The following PLCB2 variants were observed in gnomAD, a reference collection of about 807,000 sequenced individuals.
The protein encoded by PLCB2 is phospholipase C beta 2.
Under a neutral mutation model 141.7 loss-of-function variants are expected in PLCB2, and 115 were observed. The observed-to-expected ratio is 0.81, with a 90% CI of 0.70 to 0.95. The LOEUF is 0.95. Among genes scored for constraint, PLCB2 ranks in the 40% least tolerant of loss-of-function variants. PLCB2 has a pLI of 0.00. For synonymous variants in PLCB2, 603 were observed against 595.6 expected, an observed-to-expected ratio of 1.01 and a Z score of -0.18; for missense variants, 1,403 against 1,541.1, an observed-to-expected ratio of 0.91 and a Z score of 1.50.
Position 40,290,631 on chromosome 15 carries a change from A to C in PLCB2, c.3155T>G (p.Leu1052Arg), listed in dbSNP as rs763762666. The part of the protein sequence containing the change: ...EMKKKLETKR[L>R]ERIQGMTKVT... The stretch of plus-strand genomic sequence containing the variant: ...TTTGGTCATGCCCTGGATCCGCTCC[A>C]GTCTCTTTGTCTCCAGCTTTTTCTT... Residue 1052 changes from leucine to arginine, a missense_variant, in exon 29 of 32, where the codon CTG becomes CGG. Leu to Arg is a moderately radical substitution (Grantham distance 102). Coordinates refer to ENST00000260402, the MANE Select transcript of PLCB2 (RefSeq NM_004573.3). The C allele has an allele frequency of 1.1e-5, 18 of 1,614,124 alleles. No homozygotes were observed. The highest frequency in any genetic ancestry group is 1.5e-5 in the Non-Finnish European group (18 of 1,180,018).
At chr15:40,290,136 G>C in intron 29 of PLCB2, 54 bp from the exon 30 acceptor site, 1 of 1,115,052 alleles carries the variant, frequency 9.0e-7, no homozygotes, top group Non-Finnish European at 1.4e-6. Context: ...GGGAGAGTAG[G>C]GTAACATGAA....
At position 40,296,347 on chromosome 15, in the gene PLCB2, G is replaced by A. The variant is rs766373645; in HGVS notation, c.1645C>T (p.Leu549=). 1 of 1,613,808 alleles carries A rather than the reference G, an allele frequency of 6.2e-7. No homozygotes were observed. Among genetic ancestry groups the A allele is most frequent in the South Asian group, 1.1e-5 (1 of 91,006 alleles). ...EVTAYEEMSS[L]VNYIQPTKFV... Reference sequence around the variant, plus strand: ...TTGGTGGGCTGGATGTAATTGACTAGGCTGGACATCTCCTCATAAGCCGTC... The same window carrying A: ...TTGGTGGGCTGGATGTAATTGACTAAGCTGGACATCTCCTCATAAGCCGTC... The change falls in exon 16 of 32, where the codon CTA becomes TTA. Residue 549 remains leucine, a synonymous_variant. Coordinates refer to ENST00000260402, the MANE Select transcript of PLCB2 (RefSeq NM_004573.3).
intron 7 of PLCB2, among the ~76,000 whole-genome samples, chr15:40,300,033 C>T (rs751744848): frequency 3.3e-4 from 50 of 152,220 alleles, no homozygotes; most frequent in Admixed American, 9.2e-4. Flanking sequence ...TCACAAGTGT[C>T]AGCGGGATGT....
Position 40,297,812 on chromosome 15 carries a change from G to T in PLCB2, c.1238+65C>A. ...TTAGAGGCTGGGGCAGTTGTGGGGA[G>T]GACAGTTGCAGACAGGAGACTGGGG... On this transcript the variant is annotated intron_variant, in intron 12 of 31. Transcript: ENST00000260402. The surrounding 1 kb of genome is among the most constrained non-coding windows in gnomAD (Gnocchi z 4.2). 7.7e-7 allele frequency: 1 copy of T among 1,293,150 alleles called. No individual in the cohort carries two copies. The highest frequency in any genetic ancestry group is 1.1e-6 in the Non-Finnish European group (1 of 891,900). The allele number at this position is 1,293,150 out of a possible 1,614,324, so 80.1% of individuals were successfully genotyped here. A position where few individuals can be genotyped will look rare whatever the true frequency, so the allele number is the denominator to read the frequency against.
At chr15:40,296,668 G>A (rs2040237485) in intron 14 of PLCB2, 34 bp from the exon 15 acceptor site, 1 of 1,611,624 alleles carries the variant, frequency 6.2e-7, no homozygotes, top group Non-Finnish European at 8.5e-7. Flanking sequence ...ACTGGCTCCT[G>A]CATGGCTCCT....
chr15:40,294,254 C>G lies in PLCB2; in HGVS notation c.2061+12G>C. On this transcript the variant is annotated intron_variant, in intron 19 of 31. Transcript: ENST00000260402. Reference sequence around the variant, plus strand: ...TCAGCCTCCCGGCCACTTGTGTGCCCCAGGGCCTTGCCGTAATGGAAAGGG... The same window carrying G: ...TCAGCCTCCCGGCCACTTGTGTGCCGCAGGGCCTTGCCGTAATGGAAAGGG... 6.2e-7 allele frequency: 1 copy of G among 1,613,158 alleles called. No homozygotes were observed. Among genetic ancestry groups the G allele is most frequent in the Non-Finnish European group, 8.5e-7 (1 of 1,179,960 alleles).
At chr15:40,296,255 CCTT>C (rs753502542) in intron 16 of PLCB2, 38 bp downstream of exon 16, 128 of 1,480,590 alleles carry the variant, frequency 8.6e-5, no homozygotes, top group Non-Finnish European at 1.2e-4. Flanking sequence ...GGGAGATCCC[CCTT>C]CTTCTTACCC....
At position 40,294,250 on chromosome 15, in the gene PLCB2, T is replaced by G; in HGVS notation, c.2061+16A>C. 1.2e-6 allele frequency: 2 copies of G among 1,609,614 alleles called. No individual in the cohort carries two copies. Among genetic ancestry groups the G allele is most frequent in the Non-Finnish European group, 1.7e-6 (2 of 1,177,980 alleles). On this transcript the variant is annotated intron_variant, in intron 19 of 31. Transcript: ENST00000260402. ...GACCTCAGCCTCCCGGCCACTTGTG[T>G]GCCCCAGGGCCTTGCCGTAATGGAA...
intron 13 of PLCB2, 86 bp from the exon 14 acceptor site, chr15:40,296,994 C>G (rs1312325411): frequency 7.5e-7 from 1 of 1,324,822 alleles, no homozygotes; most frequent in African/African-American, 1.5e-5. Flanking sequence ...CTCCCTCGGC[C>G]TCCCCCACTC....
rs375249031 is a variant in PLCB2, at chr15:40,288,850, C to T, written c.3423G>A (p.Ser1141=). ...AGCAGGTCCTGAGGCAGGCCCTCACCGACTCCTTCACCTCTGCCTCCAGAC... is the reference window on the plus strand; with the variant it reads ...AGCAGGTCCTGAGGCAGGCCCTCACTGACTCCTTCACCTCTGCCTCCAGAC... ...MKGLEAEVKE[S]VRACLRTCFP... The change falls in exon 32 of 32, where the codon TCG becomes TCA. Residue 1141 remains serine, a synonymous_variant. Transcript: ENST00000260402. 6.2e-6 allele frequency: 10 copies of T among 1,613,952 alleles called. No individual in the cohort carries two copies. The highest frequency in any genetic ancestry group is 2.7e-5 in the African/African-American group (2 of 74,928).
Position 40,291,034 on chromosome 15 carries a change from T to C in PLCB2, c.3020A>G (p.Glu1007Gly). The C allele has an allele frequency of 2.5e-6, 4 of 1,593,928 alleles. No individual in the cohort carries two copies. The highest frequency in any genetic ancestry group is 3.4e-6 in the Non-Finnish European group (4 of 1,177,790). The stretch of plus-strand genomic sequence containing the variant: ...CCCGGCCACCTCGGCCACGTGCTGC[T>C]CCTTGCGCTTCAGAACGCACTCGTA... ...EQYECVLKRK[E>G]QHVAEQISKM... The change falls in exon 27 of 32, where the codon GAG becomes GGG. Residue 1007 changes from glutamate to glycine, a missense_variant. Glu to Gly is a moderately conservative substitution (Grantham distance 98). Around this residue, in one of 4 missense-constraint regions of PLCB2, gnomAD observed 290 missense variants for 245.9 expected, o/e 1.18. Transcript: ENST00000260402.
rs201613773 is a variant in PLCB2, at chr15:40,294,940, C to T, written c.1902G>A (p.Thr634=). 190 of 1,614,056 alleles carry T rather than the reference C, an allele frequency of 1.2e-4. 1 individual carries two copies. The highest frequency in any genetic ancestry group is 6.8e-6 in the Non-Finnish European group (8 of 1,179,964). ...GGGGCCTGGGAATGCCCTCACCCAT[C>T]GTCTGGAAGTTGAGGGCAACCATCT... ...GCQMVALNFQ[T]MDLPMQQNMA... The change falls in exon 18 of 32, where the codon ACG becomes ACA. Residue 634 remains threonine, a synonymous_variant. Transcript: ENST00000260402.
chr15:40,289,418 TC>T, intron 30 of PLCB2, 60 bp from the exon 31 acceptor site: 1 of 1,261,292 alleles, frequency 7.9e-7, no homozygotes, highest in Non-Finnish European at 1.2e-6. Flanking sequence ...TGGGTCAGAA[TC>T]CAGCTGTAAT....
chr15:40,291,030 C>T lies in PLCB2; in HGVS notation c.3024G>A (p.Gln1008=), dbSNP rs1214905024. Residue 1008 remains glutamine, a synonymous_variant, in exon 27 of 32, where the codon CAG becomes CAA. Coordinates refer to ENST00000260402, the MANE Select transcript of PLCB2 (RefSeq NM_004573.3). ...CCCTCCCGGCCACCTCGGCCACGTGCTGCTCCTTGCGCTTCAGAACGCACT... is the reference window on the plus strand; with the variant it reads ...CCCTCCCGGCCACCTCGGCCACGTGTTGCTCCTTGCGCTTCAGAACGCACT... The part of the protein sequence containing the change: ...QYECVLKRKE[Q]HVAEQISKMM... 1 of 1,593,356 alleles carries T rather than the reference C, an allele frequency of 6.3e-7. No homozygotes were observed. Among genetic ancestry groups the T allele is most frequent in the African/African-American group, 1.3e-5 (1 of 74,896 alleles).
downstream of PLCB2, chr15:40,284,535 CA>C: frequency 2.2e-6 from 1 of 455,190 alleles, no homozygotes; most frequent in Middle Eastern, 4.0e-4. Context: ...GATCTGGCTG[CA>C]AAAGAAAGAA....
downstream of PLCB2, chr15:40,285,432 G>A (rs536736684): frequency 4.1e-6 from 3 of 730,204 alleles, no homozygotes; most frequent in South Asian, 6.2e-5. Context: ...CTTTACACAA[G>A]AACAAGTTAG....
At position 40,296,411 on chromosome 15, in the gene PLCB2, G is replaced by A; in HGVS notation, c.1600-19C>T. On this transcript the variant is annotated intron_variant, in intron 15 of 31. Coordinates refer to ENST00000260402, the MANE Select transcript of PLCB2 (RefSeq NM_004573.3). Reference sequence around the variant, plus strand: ...CTGTGCCCTAAGGAGAAGAGGGGAGGGCAAAGAAGAGGAGGATGGTGCAGA... The same window carrying A: ...CTGTGCCCTAAGGAGAAGAGGGGAGAGCAAAGAAGAGGAGGATGGTGCAGA... The A allele has an allele frequency of 1.2e-6, 2 of 1,613,674 alleles. No homozygotes were observed. Among genetic ancestry groups the A allele is most frequent in the African/African-American group, 2.7e-5 (2 of 75,024 alleles).
Position 40,291,427 on chromosome 15 carries a change from C to G in PLCB2, c.2708G>C (p.Arg903Pro), listed in dbSNP as rs775636721. ...CTCTCGCAGCTCCTTCTCGTGCCGC[C>G]GCTGCAGCTTCACCACGCCCTTTAG... ...RELKGVVKLQ[R>P]RHEKELRELE... The change falls in exon 26 of 32, where the codon CGG becomes CCG. Residue 903 changes from arginine to proline, a missense_variant. By Grantham distance (103) the Arg-to-Pro change is moderately radical. Around this residue, in one of 4 missense-constraint regions of PLCB2, gnomAD observed 290 missense variants for 245.9 expected, o/e 1.18. Coordinates refer to ENST00000260402, the MANE Select transcript of PLCB2 (RefSeq NM_004573.3). 13 of 1,540,936 alleles carry G rather than the reference C, an allele frequency of 8.4e-6. No individual in the cohort carries two copies. Among genetic ancestry groups the G allele is most frequent in the Non-Finnish European group, 1.1e-5 (13 of 1,148,710 alleles).
intron 16 of PLCB2, 118 bp from the exon 17 acceptor site, chr15:40,295,403 C>T: frequency 1.4e-6 from 1 of 700,582 alleles, no homozygotes; most frequent in Non-Finnish European, 2.6e-6. Flanking sequence ...CCCAGCATTT[C>T]CACTGAGACC....
Sources: gnomAD v4.1 joint callset for allele counts (sites outside exome capture counted in the v4.1 genomes callset) on GRCh38, gnomAD v4.1.1 for gene constraint, gnomAD v4.1.1 regional missense constraint, Gnocchi (gnomAD v3.1) non-coding constraint, MANE v1.5 for transcripts, NCBI Gene and HGNC (gene_info 2026-07-23, HGNC 2026-07-21) for gene names.